PIP4K2A: variants seen among roughly 807,000 people sequenced by gnomAD.
PIP4K2A encodes phosphatidylinositol-5-phosphate 4-kinase type 2 alpha.
PIP4K2A carries 14 observed loss-of-function variants against 42.9 expected under a neutral mutation model. That is an observed-to-expected ratio of 0.33 (90% CI 0.22 to 0.51). PIP4K2A has a LOEUF of 0.51. Among genes scored for constraint, PIP4K2A ranks in the 20% least tolerant of loss-of-function variants. PIP4K2A has a pLI of 0.97. For synonymous variants in PIP4K2A, 192 were observed against 192.2 expected (o/e 1.00, Z 0.01); for missense variants, 434 against 519.8 (o/e 0.83, Z 1.61).
At chr10:22,601,127 T>C (rs1837756048) in intron 3 of PIP4K2A, among the ~76,000 whole-genome samples, 1 of 60,224 alleles carries the variant, frequency 1.7e-5, no homozygotes. Flanking sequence ...AGCGAGACTG[T>C]CTCAAAAAAA....
intron 1 of PIP4K2A, among the ~76,000 whole-genome samples, chr10:22,650,855 C>T (rs1001398918): frequency 1.3e-5 from 2 of 150,936 alleles, no homozygotes; most frequent in Non-Finnish European, 3.0e-5. Flanking sequence ...TTTCCCCTAC[C>T]TTTTACTGGC....
intron 1 of PIP4K2A, among the ~76,000 whole-genome samples, chr10:22,656,797 CAA>C (rs768722985): frequency 2.3e-4 from 18 of 76,814 alleles, no homozygotes; most frequent in East Asian, 3.6e-4. Context: ...GACTCCATCT[CAA>C]AAAAAAAAAA....
intron 1 of PIP4K2A, among the ~76,000 whole-genome samples, chr10:22,643,687 T>C (rs888764288): frequency 6.6e-6 from 1 of 152,200 alleles, no homozygotes; most frequent in Non-Finnish European, 1.5e-5. Flanking sequence ...AGCCAAATTC[T>C]GATTGTCCCC....
intron 1 of PIP4K2A, among the ~76,000 whole-genome samples, chr10:22,687,531 C>T (rs546975630): frequency 3.3e-5 from 5 of 151,978 alleles, no homozygotes; most frequent in South Asian, 2.1e-4. Flanking sequence ...TTTAGTTACT[C>T]GTTACGAAAG....
At chr10:22,606,244 G>A (rs1254156341) in intron 3 of PIP4K2A, among the ~76,000 whole-genome samples, 2 of 152,080 alleles carry the variant, frequency 1.3e-5, no homozygotes, top group African/African-American at 4.8e-5. Flanking sequence ...CCAGCAGTTT[G>A]AGGCTGCAGT....
intron 1 of PIP4K2A, among the ~76,000 whole-genome samples, chr10:22,712,218 A>G (rs1255157334): frequency 6.6e-6 from 1 of 152,272 alleles, no homozygotes; most frequent in East Asian, 1.9e-4. Context: ...AATATTTCCA[A>G]TTAGCAAGAA....
At chr10:22,671,193 A>C (rs1374377913) in intron 1 of PIP4K2A, among the ~76,000 whole-genome samples, 2 of 152,212 alleles carry the variant, frequency 1.3e-5, no homozygotes, top group Non-Finnish European at 1.5e-5. Context: ...CACATATATC[A>C]GTCTAAAATA....
chr10:22,653,827 T>C lies in PIP4K2A; in HGVS notation c.145-44110A>G, dbSNP rs537339540. Among the ~76,000 whole-genome samples, 5 of 152,236 alleles carry C rather than the reference T, an allele frequency of 3.3e-5. No homozygotes were observed. The South Asian group carries it at 1.0e-3, about 32-fold the overall frequency. On this transcript the variant is annotated intron_variant, in intron 1 of 9. Coordinates refer to ENST00000376573, the MANE Select transcript of PIP4K2A (RefSeq NM_005028.5). ...AGGCGGAGGTTGCAGTGAGCCAAGATTGCGCCACTGCACTCCAGCCTGGGC... is the reference window on the plus strand; with the variant it reads ...AGGCGGAGGTTGCAGTGAGCCAAGACTGCGCCACTGCACTCCAGCCTGGGC...
intron 3 of PIP4K2A, among the ~76,000 whole-genome samples, chr10:22,606,250 G>A (rs1482842114): frequency 6.6e-6 from 1 of 152,104 alleles, no homozygotes; most frequent in Non-Finnish European, 1.5e-5. Context: ...GTTTGAGGCT[G>A]CAGTGAGCTA....
intron 8 of PIP4K2A, 58 bp from the exon 9 acceptor site, chr10:22,540,132 G>A (rs1302829400): frequency 1.2e-5 from 10 of 848,316 alleles, no homozygotes; most frequent in Non-Finnish European, 2.1e-5. Flanking sequence ...TGCCAGCATT[G>A]CTGCTGAGGG....
chr10:22,585,144 G>A (rs538224132), intron 4 of PIP4K2A, among the ~76,000 whole-genome samples: 1 of 152,234 alleles, frequency 6.6e-6, no homozygotes, highest in East Asian at 1.9e-4. Context: ...TAGCTTTTAT[G>A]GTCCCTATTT....
intron 1 of PIP4K2A, among the ~76,000 whole-genome samples, chr10:22,610,714 C>A (rs74620933): frequency 0.015 from 2,358 of 152,186 alleles, 62 homozygotes; most frequent in African/African-American, 0.055. Flanking sequence ...GGAGGGACTC[C>A]GAGGACAAAT....
At chr10:22,610,186 G>A (rs928954986) in intron 1 of PIP4K2A, among the ~76,000 whole-genome samples, 5 of 152,150 alleles carry the variant, frequency 3.3e-5, no homozygotes, top group Non-Finnish European at 7.4e-5. Flanking sequence ...TCCCTTACAG[G>A]AACTAAGTTT....
chr10:22,713,381 C>T (rs1833949602), intron 1 of PIP4K2A, among the ~76,000 whole-genome samples: 1 of 152,062 alleles, frequency 6.6e-6, no homozygotes, highest in Middle Eastern at 3.4e-3. Flanking sequence ...CCGGGACCCC[C>T]GCCTGCTGTC....
intron 1 of PIP4K2A, among the ~76,000 whole-genome samples, chr10:22,645,519 T>C (rs1838861046): frequency 6.7e-6 from 1 of 149,896 alleles, no homozygotes; most frequent in Non-Finnish European, 1.5e-5. Context: ...GTGCTCCAGT[T>C]CTGGGTAACA....
chr10:22,623,496 T>A (rs1750761), intron 1 of PIP4K2A, among the ~76,000 whole-genome samples: 1 of 152,092 alleles, frequency 6.6e-6, no homozygotes, highest in Non-Finnish European at 1.5e-5. Flanking sequence ...ACTAAAAGGC[T>A]GCCTTTACAC....
intron 7 of PIP4K2A, among the ~76,000 whole-genome samples, chr10:22,542,904 C>T (rs1836159382): frequency 6.6e-6 from 1 of 152,154 alleles, no homozygotes; most frequent in Admixed American, 6.5e-5. Context: ...GCTGGCTCTG[C>T]ACAGGATCCT....
intron 1 of PIP4K2A, among the ~76,000 whole-genome samples, chr10:22,613,247 T>A (rs1007323068): frequency 1.3e-5 from 2 of 149,740 alleles, no homozygotes; most frequent in African/African-American, 4.9e-5. Context: ...CCAGACTAAG[T>A]TGAGTTAAGG....
At chr10:22,604,455 C>T (rs1420522286) in intron 3 of PIP4K2A, among the ~76,000 whole-genome samples, 1 of 151,830 alleles carries the variant, frequency 6.6e-6, no homozygotes, top group Non-Finnish European at 1.5e-5. Context: ...ATAAACCAGA[C>T]GATGGAGCCC....
Sources: gnomAD v4.1 joint callset for allele counts (sites outside exome capture counted in the v4.1 genomes callset) on GRCh38, gnomAD v4.1.1 for gene constraint, MANE v1.5 for transcripts, NCBI Gene and HGNC (gene_info 2026-07-23, HGNC 2026-07-21) for gene names.